Variants in XPNPEP1 observed in about 807,000 individuals in gnomAD.
XPNPEP1 encodes the protein xaa-Pro aminopeptidase 1.
Under a neutral mutation model 92.4 loss-of-function variants are expected in XPNPEP1, and 39 were observed. That is an observed-to-expected ratio of 0.42 (90% confidence interval 0.33 to 0.55). The LOEUF is 0.55. Ranked by LOEUF, XPNPEP1 falls within the 20% of genes least tolerant of loss-of-function variation. The pLI, the probability that XPNPEP1 is intolerant of heterozygous loss-of-function variation, is 0.08. For synonymous variants in XPNPEP1, 307 were observed against 299.4 expected (o/e 1.03, Z -0.26); for missense variants, 654 against 856.1 (o/e 0.76, Z 2.95).
intron 10 of XPNPEP1, 51 bp downstream of exon 10, chr10:109,882,381 A>C (rs1008458295): frequency 6.3e-7 from 1 of 1,585,478 alleles, no homozygotes; most frequent in African/African-American, 1.3e-5. Flanking sequence ...ACAATACCAG[A>C]ACTGGGAAGG....
chr10:109,901,774 T>C (rs1469568306), intron 3 of XPNPEP1, among the ~76,000 whole-genome samples: 1 of 152,250 alleles, frequency 6.6e-6, no homozygotes, highest in African/African-American at 2.4e-5. Flanking sequence ...GAGTCCACCT[T>C]TTCAACTGTC....
chr10:109,865,182 T>C lies in XPNPEP1; in HGVS notation c.*2A>G. The stretch of plus-strand genomic sequence containing the variant: ...ACAAAAACAAAACCGGGGAGGTATT[T>C]ATTAATGCTGTTTGGAGATGGGTTG... On this transcript the variant is annotated 3_prime_UTR_variant, in exon 21 of 21. Transcript: ENST00000502935. The C allele has an allele frequency of 1.9e-6, 3 of 1,614,198 alleles. No individual in the cohort carries two copies. Among genetic ancestry groups the C allele is most frequent in the Non-Finnish European group, 2.5e-6 (3 of 1,180,028 alleles).
Position 109,880,829 on chromosome 10 carries a change from C to G in XPNPEP1, c.1131+13G>C, listed in dbSNP as rs1589565381. The G allele has an allele frequency of 6.2e-7, 1 of 1,613,224 alleles. No individual in the cohort carries two copies. Among genetic ancestry groups the G allele is most frequent in the Non-Finnish European group, 8.5e-7 (1 of 1,179,604 alleles). On this transcript the variant is annotated intron_variant, in intron 11 of 20. Transcript: ENST00000502935. ...CCTCACATCCCATCTTCTGCACCAGCTCCTCTACTCACGTGAGCCCGCCTC... is the reference window on the plus strand; with the variant it reads ...CCTCACATCCCATCTTCTGCACCAGGTCCTCTACTCACGTGAGCCCGCCTC...
chr10:109,893,072 C>T lies in XPNPEP1; in HGVS notation c.250G>A (p.Glu84Lys), dbSNP rs1289613309. The change falls in exon 4 of 21, where the codon GAG becomes AAG. Residue 84 changes from glutamate to lysine, a missense_variant. Coordinates refer to ENST00000502935, the MANE Select transcript of XPNPEP1 (RefSeq NM_020383.4). ...IIPSGDAHQSEYIAPCDCRRA... is the reference protein window; with the variant it reads ...IIPSGDAHQSKYIAPCDCRRA... The stretch of plus-strand genomic sequence containing the variant: ...CGACAGTCACATGGAGCAATATACT[C>T]ACTCTGGAAAACAAAGATGACAACA... The T allele has an allele frequency of 1.9e-6, 3 of 1,613,542 alleles. No individual in the cohort carries two copies. The highest frequency in any genetic ancestry group is 2.5e-6 in the Non-Finnish European group (3 of 1,179,736).
intron 20 of XPNPEP1, among the ~76,000 whole-genome samples, 192 bp from the exon 21 acceptor site, chr10:109,865,504 C>T (rs1357808970): frequency 6.6e-6 from 1 of 152,226 alleles, no homozygotes; most frequent in Non-Finnish European, 1.5e-5. Flanking sequence ...TAGGACCAGA[C>T]TTCATGGCTT....
chr10:109,880,959 A>T, intron 10 of XPNPEP1, 28 bp from the exon 11 acceptor site: 1 of 1,602,952 alleles, frequency 6.2e-7, no homozygotes, highest in East Asian at 2.2e-5. Context: ...TAGGGTGGGA[A>T]ATCAAACCGG....
intron 2 of XPNPEP1, among the ~76,000 whole-genome samples, chr10:109,913,942 T>C (rs1265307276): frequency 6.6e-6 from 1 of 152,236 alleles, no homozygotes; most frequent in Non-Finnish European, 1.5e-5. Flanking sequence ...CCTCCTAATA[T>C]GGTCCAAAAT....
chr10:109,890,127 T>C (rs569997461), intron 5 of XPNPEP1, among the ~76,000 whole-genome samples: 3 of 152,280 alleles, frequency 2.0e-5, no homozygotes, highest in Admixed American at 6.5e-5. Context: ...CTGAGGAAAC[T>C]AGGAAGGAGC....
At chr10:109,916,539 C>G (rs1366768082) in intron 1 of XPNPEP1, among the ~76,000 whole-genome samples, 1 of 152,232 alleles carries the variant, frequency 6.6e-6, no homozygotes. Flanking sequence ...CACATTAGCT[C>G]AGTCTACCAC....
intron 3 of XPNPEP1, among the ~76,000 whole-genome samples, chr10:109,893,859 A>G (rs1848833010): frequency 6.6e-6 from 1 of 152,242 alleles, no homozygotes. Context: ...TTTGAACCTA[A>G]GCAGTCAACT....
intron 5 of XPNPEP1, among the ~76,000 whole-genome samples, chr10:109,889,809 A>G (rs1263859788): frequency 6.6e-6 from 1 of 152,236 alleles, no homozygotes. Flanking sequence ...ATACAACCAC[A>G]TAACCATAGA....
intron 2 of XPNPEP1, among the ~76,000 whole-genome samples, chr10:109,913,077 C>T (rs936317498): frequency 2.6e-5 from 4 of 152,210 alleles, no homozygotes; most frequent in Non-Finnish European, 5.9e-5. Flanking sequence ...CAGGCCTAGT[C>T]CACGATGAAA....
intron 7 of XPNPEP1, 147 bp from the exon 8 acceptor site, chr10:109,886,488 C>A: frequency 1.4e-6 from 1 of 727,812 alleles, no homozygotes. Context: ...TGGATTCAAG[C>A]CCTATACAAG....
chr10:109,909,439 G>C (rs1849742078), intron 2 of XPNPEP1, among the ~76,000 whole-genome samples: 1 of 152,150 alleles, frequency 6.6e-6, no homozygotes, highest in South Asian at 2.1e-4. Flanking sequence ...AAAATGAAAT[G>C]TTAAAGATGT....
intron 2 of XPNPEP1, among the ~76,000 whole-genome samples, chr10:109,910,058 T>G (rs771524399): frequency 5.3e-5 from 8 of 152,212 alleles, no homozygotes; most frequent in Non-Finnish European, 8.8e-5. Flanking sequence ...CATTATAGTA[T>G]CACACAGAGT....
In XPNPEP1 at chr10:109,880,861, T is replaced by C. The variant is rs1848053307; in HGVS notation, c.1112A>G (p.Glu371Gly). Residue 371 changes from glutamate to glycine, a missense_variant, in exon 11 of 21, where the codon GAA (glutamate) becomes GGA (glycine). Transcript: ENST00000502935. ...AKAVKNSAES[E>G]GMRRAHIKDA... ...ACTCACGTGAGCCCGCCTCATGCCT[T>C]CTGACTCAGCTGAATTCTTCACAGC... The C allele has an allele frequency of 6.2e-7, 1 of 1,614,050 alleles. No homozygotes were observed. Among genetic ancestry groups the C allele is most frequent in the Non-Finnish European group, 8.5e-7 (1 of 1,179,984 alleles).
intron 19 of XPNPEP1, 108 bp from the exon 20 acceptor site, chr10:109,868,820 A>G: frequency 9.7e-7 from 1 of 1,028,214 alleles, no homozygotes; most frequent in Non-Finnish European, 1.5e-6. Flanking sequence ...GGTAACTGGG[A>G]GCCAAGAAGT....
intron 12 of XPNPEP1, 138 bp downstream of exon 12, chr10:109,880,050 T>C: frequency 1.4e-6 from 1 of 739,994 alleles, no homozygotes; most frequent in East Asian, 2.7e-5. Context: ...GAGAGAATTA[T>C]TAAAATAGAG....
At chr10:109,869,867 C>A in intron 19 of XPNPEP1, 86 bp downstream of exon 19, 1 of 1,352,278 alleles carries the variant, frequency 7.4e-7, no homozygotes, top group Non-Finnish European at 1.0e-6. Flanking sequence ...AAGCTTTGCG[C>A]AGTGGCAGTA....
Sources: allele counts gnomAD v4.1 joint callset (sites outside exome capture counted in the v4.1 genomes callset), GRCh38; gene constraint gnomAD v4.1.1; transcripts MANE v1.5; gene names NCBI Gene and HGNC (gene_info 2026-07-23, HGNC 2026-07-21).